Variants in POLR1C observed in about 807,000 individuals in gnomAD.
POLR1C encodes the protein RNA polymerase I and III subunit C.
A neutral mutation model predicts 38.3 loss-of-function variants in POLR1C; 42 were observed. That is an observed-to-expected ratio of 1.10 (90% CI 0.86 to 1.42). The LOEUF (loss-of-function observed/expected upper bound fraction) is 1.42. POLR1C is among the 40% of genes most tolerant of loss of function. The pLI, the probability that POLR1C is intolerant of heterozygous loss-of-function variation, is 0.00. For missense variants in POLR1C, 507 were observed against 450.5 expected (o/e 1.13, Z -1.14); for synonymous variants, 163 against 163.9 (o/e 0.99, Z 0.04).
In POLR1C at chr6:43,542,975, G is replaced by A. The variant is rs1178672465; in HGVS notation, c.*5-7993G>A. Among the ~76,000 whole-genome samples, 3 of 151,966 alleles carry A rather than the reference G, an allele frequency of 2.0e-5. No individual in the cohort carries two copies. In the South Asian group the frequency reaches 6.2e-4, roughly 31 times the overall value. On this transcript the variant is annotated intron_variant, in intron 9 of 10. Transcript: ENST00000607635. Reference sequence around the variant, plus strand: ...AAAATATCACCCAAAGGTCCATCAAGGCTGAATAGTTACAGCATATTCACA... The same window carrying A: ...AAAATATCACCCAAAGGTCCATCAAAGCTGAATAGTTACAGCATATTCACA...
At chr6:43,526,833 C>G (rs763790231) in intron 8 of POLR1C, 111 of 1,418,010 alleles carry the variant, frequency 7.8e-5, no homozygotes, top group Non-Finnish European at 9.7e-5. Flanking sequence ...CCCAACCTGT[C>G]TCTGGCCAGG....
intron 10 of POLR1C, chr6:43,553,712 AC>A: frequency 9.2e-7 from 1 of 1,088,970 alleles, no homozygotes; most frequent in Non-Finnish European, 1.2e-6. Flanking sequence ...GAAGGTTCCT[AC>A]CATGCCTCCT....
chr6:43,548,364 C>T (rs781757759), intron 9 of POLR1C: 13 of 1,613,542 alleles, frequency 8.1e-6, no homozygotes, highest in African/African-American at 1.3e-5. Flanking sequence ...CTAATGAGAA[C>T]CAGGGCTTCC....
At chr6:43,548,180 C>T (rs1174562544) in intron 9 of POLR1C, 1 of 1,391,144 alleles carries the variant, frequency 7.2e-7, no homozygotes, top group African/African-American at 1.4e-5. Flanking sequence ...ATCCTTAACC[C>T]CTACCCCACC....
chr6:43,555,758 A>T (rs1289259047), intron 10 of POLR1C: 7 of 1,571,364 alleles, frequency 4.5e-6, no homozygotes, highest in Non-Finnish European at 6.1e-6. Flanking sequence ...ATGTGTGTAT[A>T]GCTCAGGCTC....
downstream of POLR1C, chr6:43,534,083 T>A (rs1376819716): frequency 3.5e-6 from 4 of 1,152,936 alleles, no homozygotes; most frequent in Non-Finnish European, 3.8e-6. Context: ...TGTAATCCAG[T>A]GATACTACAG....
chr6:43,554,652 G>A (rs889374730), intron 10 of POLR1C, among the ~76,000 whole-genome samples: 1 of 151,816 alleles, frequency 6.6e-6, no homozygotes, highest in African/African-American at 2.4e-5. Flanking sequence ...TTGAACTCCT[G>A]ACCTCAGGTG....
intron 9 of POLR1C, chr6:43,539,647 C>G (rs1188152172): frequency 2.3e-6 from 3 of 1,284,020 alleles, no homozygotes; most frequent in Non-Finnish European, 3.3e-6. Context: ...CGCGGTTCCC[C>G]ATCCCAGGGC....
chr6:43,553,412 T>C, intron 10 of POLR1C: 1 of 1,606,642 alleles, frequency 6.2e-7, no homozygotes, highest in Non-Finnish European at 8.5e-7. Flanking sequence ...TGATAACACT[T>C]TCCAAAAAAA....
At chr6:43,523,843 G>A (rs778848443), downstream of POLR1C, 7 of 1,613,862 alleles carry the variant, frequency 4.3e-6, no homozygotes, top group South Asian at 2.2e-5. Context: ...AAGAAAGGCC[G>A]AGGAAGGATG....
chr6:43,532,809 A>C (rs1794065849), downstream of POLR1C, among the ~76,000 whole-genome samples: 1 of 152,188 alleles, frequency 6.6e-6, no homozygotes, highest in Non-Finnish European at 1.5e-5. Context: ...TTTCATGCTT[A>C]TTTTCAATGG....
At chr6:43,525,981 T>C (rs1247332969), downstream of POLR1C, 6 of 1,593,022 alleles carry the variant, frequency 3.8e-6, no homozygotes, top group African/African-American at 1.3e-5. Flanking sequence ...GAATATCTTG[T>C]TCTGACAGAA....
downstream of POLR1C, chr6:43,524,063 T>G: frequency 6.3e-7 from 1 of 1,583,628 alleles, no homozygotes; most frequent in Non-Finnish European, 8.5e-7. Flanking sequence ...GTTAAAAGAT[T>G]CTCTTGGCCC....
At chr6:43,534,920 G>C (rs1794222087) in intron 9 of POLR1C, among the ~76,000 whole-genome samples, 1 of 152,040 alleles carries the variant, frequency 6.6e-6, no homozygotes, top group Non-Finnish European at 1.5e-5. Context: ...GCTTGAACTT[G>C]CGAGGCAGAG....
chr6:43,528,658 G>A (rs1793751112), intron 8 of POLR1C, among the ~76,000 whole-genome samples: 1 of 152,108 alleles, frequency 6.6e-6, no homozygotes, highest in East Asian at 1.9e-4. Flanking sequence ...TAGTTCTTTG[G>A]GGGCTGCTCG....
At chr6:43,562,366 T>C (rs1248969894) in exon 11 of POLR1C, 29 of 1,551,002 alleles carry the variant, frequency 1.9e-5, no homozygotes, top group East Asian at 4.5e-5. Flanking sequence ...GAGAATTCCT[T>C]ATATCACCAA....
At chr6:43,554,176 G>C (rs569910609) in intron 10 of POLR1C, among the ~76,000 whole-genome samples, 1 of 152,196 alleles carries the variant, frequency 6.6e-6, no homozygotes, top group Non-Finnish European at 1.5e-5. Flanking sequence ...GCGAGATCTC[G>C]GCTCACTGCA....
chr6:43,559,701 T>C (rs760157466), intron 10 of POLR1C, among the ~76,000 whole-genome samples: 3 of 152,270 alleles, frequency 2.0e-5, no homozygotes, highest in African/African-American at 7.2e-5. Flanking sequence ...TACTCTCATA[T>C]GGAAGAGCAG....
chr6:43,560,331 A>T, intron 10 of POLR1C: 1 of 1,572,920 alleles, frequency 6.4e-7, no homozygotes, highest in South Asian at 1.2e-5. Flanking sequence ...AGAAAACGTC[A>T]AAGGATTTGG....
Sources: gnomAD v4.1 joint callset for allele counts (sites outside exome capture counted in the v4.1 genomes callset) on GRCh38, gnomAD v4.1.1 for gene constraint, MANE v1.5 for transcripts, NCBI Gene and HGNC (gene_info 2026-07-23, HGNC 2026-07-21) for gene names.